Variants in UBE2H observed in about 807,000 individuals in gnomAD.
UBE2H encodes ubiquitin conjugating enzyme E2 H, also known as ubiquitin-conjugating enzyme E2 H.
Under a neutral mutation model 29.0 loss-of-function variants are expected in UBE2H, and 3 were observed. The observed-to-expected ratio is 0.10, with a 90% CI of 0.05 to 0.27. The LOEUF (loss-of-function observed/expected upper bound fraction) is 0.27, where lower values mean the gene tolerates loss of function less well. Among genes scored for constraint, UBE2H ranks in the 10% least tolerant of loss-of-function variants. The pLI, the probability that UBE2H is intolerant of heterozygous loss-of-function variation, is 1.00. For missense variants in UBE2H, 68 were observed against 228.2 expected (o/e 0.30, Z 4.52); for synonymous variants, 69 against 82.9 (o/e 0.83, Z 0.91).
At chr7:129,854,067 T>TTTTTTTTTTTATTTTTTTTTTA (rs1554430948) in intron 5 of UBE2H, among the ~76,000 whole-genome samples, 3 of 148,784 alleles carry the variant, frequency 2.0e-5, no homozygotes, top group Non-Finnish European at 4.5e-5. Flanking sequence ...TTAGTTTTTT[T>TTTTTTTTTTTATTTTTTTTTTA]TTTTTTTTTT....
At chr7:129,944,690 AACACACACGTGCGCATGCGCTCAAAACAC>A (rs1807719205) in intron 1 of UBE2H, among the ~76,000 whole-genome samples, 1 of 150,272 alleles carries the variant, frequency 6.7e-6, no homozygotes, top group African/African-American at 2.5e-5. Flanking sequence ...CCTGTCTCAA[AACACACACGTGCGCATGCGCTCAAAACAC>A]ACACACACAC....
chr7:129,901,841 C>T (rs1485337473), intron 1 of UBE2H, among the ~76,000 whole-genome samples: 1 of 152,094 alleles, frequency 6.6e-6, no homozygotes, highest in Non-Finnish European at 1.5e-5. Context: ...GTAATCCACC[C>T]ACCTCAGCCT....
rs1427551586 is a variant in UBE2H, at chr7:129,878,449, C to T, written c.205+1119G>A. Among the ~76,000 whole-genome samples, 4 of 151,916 alleles carry T rather than the reference C, an allele frequency of 2.6e-5. No individual in the cohort carries two copies. The South Asian group carries it at 6.2e-4, about 24-fold the overall frequency. On this transcript the variant is annotated intron_variant, in intron 3 of 6. Transcript: ENST00000355621. Reference sequence around the variant, plus strand: ...CTGTAATTCCAGCACTTTGGGAGGCCGAGGCTGGCGGATCACGAGGTCAGG... The same window carrying T: ...CTGTAATTCCAGCACTTTGGGAGGCTGAGGCTGGCGGATCACGAGGTCAGG...
intron 1 of UBE2H, among the ~76,000 whole-genome samples, chr7:129,897,060 A>G (rs1344748830): frequency 6.6e-6 from 1 of 152,140 alleles, no homozygotes; most frequent in Non-Finnish European, 1.5e-5. Flanking sequence ...CCTTCCTCTT[A>G]CATTACATTC....
At chr7:129,855,252 A>C (rs527247891) in intron 5 of UBE2H, among the ~76,000 whole-genome samples, 1 of 152,342 alleles carries the variant, frequency 6.6e-6, no homozygotes, top group South Asian at 2.1e-4. Flanking sequence ...TCTTTCACAA[A>C]GCTTTTCTGG....
chr7:129,878,465 C>T (rs1458679552), intron 3 of UBE2H, among the ~76,000 whole-genome samples: 3 of 151,884 alleles, frequency 2.0e-5, no homozygotes, highest in Admixed American at 2.0e-4. Context: ...TGGCGGATCA[C>T]GAGGTCAGGA....
chr7:129,890,218 A>G (rs1806447340), intron 1 of UBE2H, among the ~76,000 whole-genome samples: 1 of 152,072 alleles, frequency 6.6e-6, no homozygotes, highest in Admixed American at 6.6e-5. Context: ...TCAGACAGGT[A>G]AAGTGATACC....
intron 5 of UBE2H, among the ~76,000 whole-genome samples, chr7:129,854,052 T>C (rs993875626): frequency 2.0e-5 from 3 of 150,708 alleles, no homozygotes; most frequent in Admixed American, 6.7e-5. Flanking sequence ...ATTAGTTATT[T>C]AGTGTTAGTT....
chr7:129,950,912 C>A (rs1584806839), intron 1 of UBE2H, among the ~76,000 whole-genome samples: 1 of 152,122 alleles, frequency 6.6e-6, no homozygotes, highest in African/African-American at 2.4e-5. Context: ...ATTTCACTTG[C>A]GCCTGAACAT....
chr7:129,871,994 G>A lies in UBE2H; in HGVS notation c.205+7574C>T, dbSNP rs188681449. 3.9e-4 allele frequency among the ~76,000 whole-genome samples: 60 copies of A among 152,078 alleles called. No homozygotes were observed. In the East Asian group the frequency reaches 9.3e-3, roughly 24 times the overall value. ...CTCGAGTAGCTGGGATTACAGGCAC[G>A]CGCCACCATGCCCGGCTACTTTTTA... is the stretch of plus-strand genomic sequence containing the variant. On this transcript the variant is annotated intron_variant, in intron 3 of 6. Transcript: ENST00000355621.
chr7:129,835,192 A>C, intron 6 of UBE2H, 131 bp from the exon 7 acceptor site: 1 of 1,300,122 alleles, frequency 7.7e-7, no homozygotes, highest in Non-Finnish European at 1.1e-6. Flanking sequence ...AGATGACAGT[A>C]ATCATGATCA....
intron 3 of UBE2H, among the ~76,000 whole-genome samples, chr7:129,871,226 T>C (rs938539066): frequency 6.6e-6 from 1 of 152,158 alleles, no homozygotes; most frequent in Non-Finnish European, 1.5e-5. Context: ...TTTGTGAAAC[T>C]GATTGGAAGG....
chr7:129,915,608 G>C (rs764947652), intron 1 of UBE2H, among the ~76,000 whole-genome samples: 1 of 152,168 alleles, frequency 6.6e-6, no homozygotes, highest in Admixed American at 6.6e-5. Flanking sequence ...TAAACAGAAC[G>C]AACTATTTTC....
intron 1 of UBE2H, among the ~76,000 whole-genome samples, chr7:129,936,323 G>A (rs375551461): frequency 7.2e-5 from 11 of 152,280 alleles, no homozygotes; most frequent in South Asian, 4.1e-4. Flanking sequence ...AGCCGGGCAC[G>A]GTGGCTCACG....
chr7:129,851,276 C>A (rs1164959777), intron 5 of UBE2H, among the ~76,000 whole-genome samples: 1 of 152,184 alleles, frequency 6.6e-6, no homozygotes, highest in Non-Finnish European at 1.5e-5. Flanking sequence ...AGAGGTAATT[C>A]ATCCTCGTTC....
At chr7:129,926,557 A>C (rs1584790591) in intron 1 of UBE2H, among the ~76,000 whole-genome samples, 1 of 151,932 alleles carries the variant, frequency 6.6e-6, no homozygotes, top group Admixed American at 6.6e-5. Flanking sequence ...TGATTCTCCC[A>C]CCTCAGCCTC....
chr7:129,843,721 C>T lies in UBE2H; in HGVS notation c.299-4386G>A, dbSNP rs545578107. Reference sequence around the variant, plus strand: ...ATGTTTCTGTGGCTATTCACAGAGACGGTGTGCTTGTTTTCATGCAGCTCC... The same window carrying T: ...ATGTTTCTGTGGCTATTCACAGAGATGGTGTGCTTGTTTTCATGCAGCTCC... On this transcript the variant is annotated intron_variant, in intron 5 of 6. Coordinates refer to ENST00000355621, the MANE Select transcript of UBE2H (RefSeq NM_003344.4). Among the ~76,000 whole-genome samples, 8 of 152,310 alleles carry T rather than the reference C, an allele frequency of 5.3e-5. No individual in the cohort carries two copies. In the South Asian group the frequency reaches 6.2e-4, roughly 12 times the overall value.
At chr7:129,850,067 C>T (rs1237254010) in intron 5 of UBE2H, among the ~76,000 whole-genome samples, 1 of 152,152 alleles carries the variant, frequency 6.6e-6, no homozygotes, top group East Asian at 1.9e-4. Flanking sequence ...TTCCCTCCTC[C>T]CACCTCTCAA....
intron 1 of UBE2H, among the ~76,000 whole-genome samples, chr7:129,895,921 T>C (rs1010062185): frequency 3.3e-5 from 5 of 152,104 alleles, no homozygotes; most frequent in African/African-American, 1.2e-4. Context: ...TTGGGCGGTA[T>C]GTGTCTTTGC....
Sources: gnomAD v4.1 joint callset for allele counts (sites outside exome capture counted in the v4.1 genomes callset) on GRCh38, gnomAD v4.1.1 for gene constraint, MANE v1.5 for transcripts, NCBI Gene and HGNC (gene_info 2026-07-23, HGNC 2026-07-21) for gene names.